PDE3B: variants seen among roughly 807,000 people sequenced by gnomAD.
PDE3B encodes the protein cGMP-inhibited 3',5'-cyclic phosphodiesterase 3B.
In PDE3B, 66 loss-of-function variants were observed where a neutral mutation model predicts 116.8. The ratio of observed to expected loss-of-function variants is 0.56; its 90% CI spans 0.46 to 0.69. The LOEUF (loss-of-function observed/expected upper bound fraction) is 0.69, where lower values mean the gene tolerates loss of function less well. PDE3B is among the 30% of genes least tolerant of loss of function. The pLI, the probability that PDE3B is intolerant of heterozygous loss-of-function variation, is 0.00. For synonymous variants in PDE3B, 595 were observed against 533.6 expected, an observed-to-expected ratio of 1.12 and a Z score of -1.59; for missense variants, 1,384 against 1,368.1, an observed-to-expected ratio of 1.01 and a Z score of -0.18.
chr11:14,864,613 T>G (rs1252319496), intron 14 of PDE3B, among the ~76,000 whole-genome samples: 2 of 152,144 alleles, frequency 1.3e-5, no homozygotes, highest in African/African-American at 4.8e-5. Context: ...CAGACCACAG[T>G]GCAATCAAAT....
Position 14,786,529 on chromosome 11 carries a change from A to G in PDE3B, c.1122A>G (p.Pro374=). 6.2e-7 allele frequency: 1 copy of G among 1,613,290 alleles called. No individual in the cohort carries two copies. Residue 374 remains proline (P), a synonymous_variant, in exon 3 of 16, where the codon CCA becomes CCG. Coordinates refer to ENST00000282096, the MANE Select transcript of PDE3B (RefSeq NM_000922.4). Reference sequence around the variant, plus strand: ...TTCTGACTGATCCAAGCCTTCCACCACAAGTCATTTCCTCTCTACGGAGTA... The same window carrying G: ...TTCTGACTGATCCAAGCCTTCCACCGCAAGTCATTTCCTCTCTACGGAGTA... ...SDLLTDPSLP[P]QVISSLRSIS...
At chr11:14,660,610 A>C (rs1187022804) in intron 1 of PDE3B, among the ~76,000 whole-genome samples, 1 of 151,884 alleles carries the variant, frequency 6.6e-6, no homozygotes, top group African/African-American at 2.4e-5. Flanking sequence ...GGCCCCTTCT[A>C]ATATTCTAAT....
chr11:14,799,503 C>T (rs977933065), intron 4 of PDE3B, among the ~76,000 whole-genome samples: 6 of 152,014 alleles, frequency 3.9e-5, no homozygotes, highest in Non-Finnish European at 5.9e-5. Flanking sequence ...TTTTCTGTCT[C>T]GTTGATCTGT....
At chr11:14,868,657 T>C (rs1848090537) in intron 15 of PDE3B, among the ~76,000 whole-genome samples, 1 of 152,172 alleles carries the variant, frequency 6.6e-6, no homozygotes, top group Admixed American at 6.5e-5. Context: ...ACATAAGTAT[T>C]GTTTTGATTT....
chr11:14,881,091 C>G, the PDE3B span, among the ~76,000 whole-genome samples: 2 of 152,028 alleles, frequency 1.3e-5, no homozygotes. Flanking sequence ...CCTAATTTAC[C>G]AAAGACAAAT....
chr11:14,844,454 C>A (rs891462501), intron 12 of PDE3B, among the ~76,000 whole-genome samples: 1 of 152,232 alleles, frequency 6.6e-6, no homozygotes, highest in Non-Finnish European at 1.5e-5. Context: ...GTACCAGGTT[C>A]ATCTCACTAG....
chr11:14,876,318 A>T (rs967441741), downstream of PDE3B, among the ~76,000 whole-genome samples: 1 of 152,124 alleles, frequency 6.6e-6, no homozygotes, highest in Non-Finnish European at 1.5e-5. Context: ...GGAGTTCAAG[A>T]CCAGCCTGGA....
chr11:14,644,751 G>T lies in PDE3B; in HGVS notation c.676G>T (p.Ala226Ser). Residue 226 changes from alanine to serine, a missense_variant, in exon 1 of 16, where the codon GCC (alanine) becomes TCC (serine). By Grantham distance (99) the Ala-to-Ser change is moderately conservative. Transcript: ENST00000282096. ...LRHCVLVLLL[A>S]SFVWWVSFTS... ...GCACTGCGTTCTGGTGCTGCTCCTG[G>T]CCAGCTTCGTCTGGTGGGTCTCCTT... The T allele has an allele frequency of 1.3e-6, 2 of 1,589,024 alleles. No individual in the cohort carries two copies. Among genetic ancestry groups the T allele is most frequent in the African/African-American group, 2.7e-5 (2 of 74,722 alleles).
chr11:14,667,517 G>A (rs991739054), intron 1 of PDE3B, among the ~76,000 whole-genome samples: 5 of 151,494 alleles, frequency 3.3e-5, no homozygotes, highest in East Asian at 3.9e-4. Flanking sequence ...CATAAAAAAG[G>A]ATGAGTTCAT....
chr11:14,674,142 G>A (rs1854459403), intron 1 of PDE3B: 1 of 1,425,818 alleles, frequency 7.0e-7, no homozygotes, highest in Non-Finnish European at 9.9e-7. Context: ...GATCTACCCG[G>A]GTCCTTTTCT....
At chr11:14,887,936 A>C in the PDE3B span, among the ~76,000 whole-genome samples, 1 of 152,106 alleles carries the variant, frequency 6.6e-6, no homozygotes, top group Non-Finnish European at 1.5e-5. Context: ...TGGCCTCCCT[A>C]ATTTCATCCT....
At chr11:14,764,892 T>C (rs1003982483) in intron 1 of PDE3B, among the ~76,000 whole-genome samples, 3 of 151,586 alleles carry the variant, frequency 2.0e-5, no homozygotes, top group Admixed American at 6.6e-5. Flanking sequence ...TTTTTCTGCT[T>C]CTCAGTTTTT....
downstream of PDE3B, among the ~76,000 whole-genome samples, chr11:14,874,430 C>CTCTTT (rs1326895359): frequency 1.3e-5 from 2 of 152,020 alleles, no homozygotes; most frequent in East Asian, 3.9e-4. Context: ...ATATTATTTG[C>CTCTTT]TCTTTTCTTA....
At chr11:14,785,885 T>C (rs1266912632) in intron 2 of PDE3B, among the ~76,000 whole-genome samples, 1 of 152,080 alleles carries the variant, frequency 6.6e-6, no homozygotes, top group Non-Finnish European at 1.5e-5. Flanking sequence ...TTTTGTGCTT[T>C]AAATCATACA....
At chr11:14,891,743 C>A in the PDE3B span, 3 of 1,348,990 alleles carry the variant, frequency 2.2e-6, no homozygotes, top group Non-Finnish European at 2.9e-6. Flanking sequence ...TGGATCGCCT[C>A]GGAGCCTCGG....
chr11:14,698,045 G>A (rs1855261632), intron 1 of PDE3B, among the ~76,000 whole-genome samples: 1 of 151,800 alleles, frequency 6.6e-6, no homozygotes, highest in African/African-American at 2.4e-5. Flanking sequence ...AGTGATGATA[G>A]TGGACAATCT....
chr11:14,756,261 T>A (rs950783942), intron 1 of PDE3B, among the ~76,000 whole-genome samples: 14 of 151,742 alleles, frequency 9.2e-5, no homozygotes, highest in African/African-American at 2.7e-4. Context: ...AGTTGGGGAG[T>A]GTATCAGTCA....
intron 2 of PDE3B, among the ~76,000 whole-genome samples, chr11:14,777,125 T>C (rs1464062276): frequency 6.6e-6 from 1 of 152,096 alleles, no homozygotes; most frequent in Non-Finnish European, 1.5e-5. Flanking sequence ...TTAAAATTAC[T>C]GGATGGGATG....
chr11:14,755,853 G>C (rs1025103760), intron 1 of PDE3B, among the ~76,000 whole-genome samples: 1 of 152,084 alleles, frequency 6.6e-6, no homozygotes, highest in Non-Finnish European at 1.5e-5. Context: ...TATATACAAA[G>C]TTTGCTAACT....
Sources: allele counts gnomAD v4.1 joint callset (sites outside exome capture counted in the v4.1 genomes callset), GRCh38; gene constraint gnomAD v4.1.1; transcripts MANE v1.5; gene names NCBI Gene and HGNC (gene_info 2026-07-23, HGNC 2026-07-21).